Variants in SEC16A observed in about 807,000 individuals in gnomAD.
The protein encoded by SEC16A is SEC16 homolog A, endoplasmic reticulum export factor, also known as protein transport protein Sec16A.
Under a neutral mutation model 221.9 loss-of-function variants are expected in SEC16A, and 110 were observed. The ratio of observed to expected loss-of-function variants is 0.50; its 90% confidence interval spans 0.42 to 0.58. SEC16A has a LOEUF of 0.58. SEC16A is among the 20% of genes least tolerant of loss of function. The pLI is 0.00. For synonymous variants in SEC16A, 1,393 were observed against 1,257.7 expected, an observed-to-expected ratio of 1.11 and a Z score of -2.28; for missense variants, 3,165 against 3,097.8, an observed-to-expected ratio of 1.02 and a Z score of -0.52.
chr9:136,464,023 G>A (rs1839837560), intron 9 of SEC16A, among the ~76,000 whole-genome samples: 1 of 152,256 alleles, frequency 6.6e-6, no homozygotes, highest in South Asian at 2.1e-4. Context: ...TGCAGAAGCT[G>A]CAGGAAGAGG....
At chr9:136,465,045 G>T (rs1017083651) in intron 8 of SEC16A, among the ~76,000 whole-genome samples, 11 of 152,172 alleles carry the variant, frequency 7.2e-5, no homozygotes, top group African/African-American at 2.7e-4. Flanking sequence ...AGGGCCACCT[G>T]AACCCAGGAG....
At chr9:136,443,412 C>T (rs574287471) in intron 31 of SEC16A, among the ~76,000 whole-genome samples, 2 of 152,170 alleles carry the variant, frequency 1.3e-5, no homozygotes, top group African/African-American at 2.4e-5. Context: ...AAGCTGGGCA[C>T]GGTGGCTCAA....
Position 136,477,660 on chromosome 9 carries a change from G to A in SEC16A, c.-45C>T. ...TCGATGCTGCTTACAGAAGGAAGCAGGATATAGCTGTTCCTTAATTGGAGC... is the reference window on the plus strand; with the variant it reads ...TCGATGCTGCTTACAGAAGGAAGCAAGATATAGCTGTTCCTTAATTGGAGC... On this transcript the variant is annotated 5_prime_UTR_variant, in exon 3 of 32. Transcript: ENST00000684901. The A allele has an allele frequency of 6.6e-7, 1 of 1,516,812 alleles. No homozygotes were observed. The highest frequency in any genetic ancestry group is 8.8e-7 in the Non-Finnish European group (1 of 1,136,516). The allele number at this position is 1,516,812 out of a possible 1,614,324, so 94.0% of individuals were successfully genotyped here. A position where few individuals can be genotyped will look rare whatever the true frequency, so the allele number is the denominator to read the frequency against.
chr9:136,442,665 G>T (rs1032700995), intron 31 of SEC16A, among the ~76,000 whole-genome samples: 6 of 152,266 alleles, frequency 3.9e-5, no homozygotes, highest in African/African-American at 1.4e-4. Context: ...GCCCAAGGGG[G>T]CTGAGGGTGA....
At chr9:136,467,689 T>C (rs1167322361) in intron 5 of SEC16A, among the ~76,000 whole-genome samples, 1 of 152,250 alleles carries the variant, frequency 6.6e-6, no homozygotes, top group Non-Finnish European at 1.5e-5. Flanking sequence ...TTAGCAAGTA[T>C]TAAGAAAAAG....
intron 3 of SEC16A, among the ~76,000 whole-genome samples, chr9:136,473,050 G>C (rs888597351): frequency 2.0e-5 from 3 of 152,264 alleles, no homozygotes; most frequent in Admixed American, 2.0e-4. Context: ...AACCTACACA[G>C]GTCTGAGGGG....
At chr9:136,452,449 CAAAAAAAAAAAAA>C (rs752510860) in intron 22 of SEC16A, among the ~76,000 whole-genome samples, 22 of 23,294 alleles carry the variant, frequency 9.4e-4, no homozygotes, top group African/African-American at 1.8e-3. Flanking sequence ...AACTCCATCT[CAAAAAAAAAAAAA>C]AAAAAAAAAA....
In SEC16A at chr9:136,453,460, C is replaced by T. The variant is rs373011807; in HGVS notation, c.6127G>A (p.Glu2043Lys). The part of the protein sequence containing the change: ...PVGNSLSELS[E>K]ENFDGKFANL... ...GCAAATTTTCCATCAAAATTTTCTT[C>T]GCTTAGCTCGGAAAGTGAGTTTCCA... Residue 2043 changes from glutamate to lysine, a missense_variant, in exon 22 of 32, where the codon GAA becomes AAA. Glu to Lys is a moderately conservative substitution (Grantham distance 56). Coordinates refer to ENST00000684901, the MANE Select transcript of SEC16A (RefSeq NM_014866.2). 1.3e-5 allele frequency: 21 copies of T among 1,613,116 alleles called. No individual in the cohort carries two copies. Among genetic ancestry groups the T allele is most frequent in the East Asian group, 2.2e-5 (1 of 44,876 alleles).
At position 136,459,334 on chromosome 9, in the gene SEC16A, C is replaced by G; in HGVS notation, c.5304-95G>C. On this transcript the variant is annotated intron_variant, in intron 16 of 31. Coordinates refer to ENST00000684901, the MANE Select transcript of SEC16A (RefSeq NM_014866.2). The surrounding 1 kb of genome is among the most constrained non-coding windows in gnomAD (Gnocchi z 6.1). ...AATCATCCAGAAGTGTGTCCCACCACGTGACAAATAAAGACATGATTCTGG... is the reference window on the plus strand; with the variant it reads ...AATCATCCAGAAGTGTGTCCCACCAGGTGACAAATAAAGACATGATTCTGG... 1 of 1,409,762 alleles carries G rather than the reference C, an allele frequency of 7.1e-7. No individual in the cohort carries two copies. 87.3% of individuals were successfully genotyped at this position (1,409,762 alleles called of 1,614,324 possible).
At chr9:136,473,322 G>A (rs1033523838) in intron 3 of SEC16A, among the ~76,000 whole-genome samples, 1 of 152,244 alleles carries the variant, frequency 6.6e-6, no homozygotes, top group African/African-American at 2.4e-5. Flanking sequence ...GAACCCAATC[G>A]GTGTATGTTG....
chr9:136,468,055 G>A (rs2132587440), intron 5 of SEC16A, among the ~76,000 whole-genome samples: 1 of 152,334 alleles, frequency 6.6e-6, no homozygotes, highest in South Asian at 2.1e-4. Context: ...CCGAGGAGAT[G>A]GTTTTTCATT....
Position 136,474,368 on chromosome 9 carries a change from T to C in SEC16A, c.3248A>G (p.Asn1083Ser), listed in dbSNP as rs758678274. The C allele has an allele frequency of 6.2e-7, 1 of 1,612,730 alleles. No homozygotes were observed. Among genetic ancestry groups the C allele is most frequent in the South Asian group, 1.1e-5 (1 of 91,078 alleles). The change falls in exon 3 of 32, where the codon AAT becomes AGT. Residue 1083 changes from asparagine to serine, a missense_variant. Asn to Ser is a conservative substitution (Grantham distance 46, BLOSUM62 1). Coordinates refer to ENST00000684901, the MANE Select transcript of SEC16A (RefSeq NM_014866.2). ...LPKAMFSELS[N>S]PESLPAQGQA... ...TCCCTGTGCGGGCAGACTTTCTGGA[T>C]TTGACAGCTCCGAAAACATGGCTTT...
At position 136,476,066 on chromosome 9, in the gene SEC16A, T is replaced by C; in HGVS notation, c.1550A>G (p.His517Arg). Residue 517 changes from histidine to arginine, a missense_variant, in exon 3 of 32, where the codon CAC becomes CGC. Transcript: ENST00000684901. ...ATAGCTGGATGACACGCTGTCAGGG[T>C]GCACTGTATGCAGTGTGGCATCAGG... Reference protein sequence around the residue: ...GAPDATLHTVHPDSVSSSYSS... With the variant: ...GAPDATLHTVRPDSVSSSYSS... 6.2e-7 allele frequency: 1 copy of C among 1,613,384 alleles called. No homozygotes were observed. Among genetic ancestry groups the C allele is most frequent in the Non-Finnish European group, 8.5e-7 (1 of 1,179,842 alleles).
chr9:136,478,307 G>A (rs1841907662), intron 2 of SEC16A, among the ~76,000 whole-genome samples: 1 of 151,546 alleles, frequency 6.6e-6, no homozygotes, highest in South Asian at 2.1e-4. Flanking sequence ...GGAGGCTGAG[G>A]CAGGAGGATT....
At chr9:136,462,231 C>T (rs1194852870) in intron 12 of SEC16A, among the ~76,000 whole-genome samples, 1 of 152,200 alleles carries the variant, frequency 6.6e-6, no homozygotes, top group African/African-American at 2.4e-5. Flanking sequence ...GCCACACATG[C>T]TTCTGAGACT....
In SEC16A at chr9:136,466,970, C is replaced by T; in HGVS notation, c.3916G>A (p.Ala1306Thr). 1 of 1,613,332 alleles carries T rather than the reference C, an allele frequency of 6.2e-7. No homozygotes were observed. The highest frequency in any genetic ancestry group is 8.5e-7 in the Non-Finnish European group (1 of 1,179,684). Residue 1306 changes from alanine (A) to threonine (T), a missense_variant, in exon 6 of 32, where the codon GCC becomes ACC. Transcript: ENST00000684901. The surrounding 1 kb of genome is among the most constrained non-coding windows in gnomAD (Gnocchi z 5.5). ...EYDAYRREHS[A>T]FGDRPEKRDN... The stretch of plus-strand genomic sequence containing the variant: ...TGCTCCACCAACCTGTCCCCGAAGG[C>T]AGAGTGCTCTCTCCTGTATGCGTCA...
chr9:136,459,671 C>T lies in SEC16A; in HGVS notation c.5191+86G>A. The T allele has an allele frequency of 1.4e-6, 2 of 1,383,870 alleles. No homozygotes were observed. Among genetic ancestry groups the T allele is most frequent in the South Asian group, 2.5e-5 (2 of 80,832 alleles). 85.7% of individuals were successfully genotyped at this position (1,383,870 alleles called of 1,614,324 possible). A position where few individuals can be genotyped will look rare whatever the true frequency, so the allele number is the denominator to read the frequency against. Reference sequence around the variant, plus strand: ...CCAGCCGGACCGAGAAGGCCGGGTTCTGGTGATTTCTGCCAACGCCACAGA... The same window carrying T: ...CCAGCCGGACCGAGAAGGCCGGGTTTTGGTGATTTCTGCCAACGCCACAGA... On this transcript the variant is annotated intron_variant, in intron 15 of 31. Transcript: ENST00000684901. The surrounding 1 kb of genome is among the most constrained non-coding windows in gnomAD (Gnocchi z 6.1).
chr9:136,484,396 C>A, upstream of SEC16A: 1 of 1,193,826 alleles, frequency 8.4e-7, no homozygotes, highest in East Asian at 5.9e-5. Flanking sequence ...CCTCTGTGCC[C>A]TCATTTTTCG....
chr9:136,476,956 T>G lies in SEC16A; in HGVS notation c.660A>C (p.Gly220=), dbSNP rs370268020. ...QMPGQWGPVQ[G]GPQPSGQHRS... ...GATGTTGCCCCGAGGGCTGTGGGCC[T>G]CCCTGCACTGGCCCCCACTGTCCTG... is the stretch of plus-strand genomic sequence containing the variant. Residue 220 remains glycine, a synonymous_variant, in exon 3 of 32, where the codon GGA becomes GGC. Coordinates refer to ENST00000684901, the MANE Select transcript of SEC16A (RefSeq NM_014866.2). The G allele has an allele frequency of 4.2e-5, 67 of 1,612,846 alleles. No homozygotes were observed. Among genetic ancestry groups the G allele is most frequent in the Non-Finnish European group, 4.8e-5 (57 of 1,179,830 alleles).
Sources: allele counts gnomAD v4.1 joint callset (sites outside exome capture counted in the v4.1 genomes callset), GRCh38; gene constraint gnomAD v4.1.1; non-coding constraint Gnocchi (gnomAD v3.1); transcripts MANE v1.5; gene names NCBI Gene and HGNC (gene_info 2026-07-23, HGNC 2026-07-21).